ZNF521: variants seen among roughly 807,000 people sequenced by gnomAD.
The protein encoded by ZNF521 is zinc finger protein 521, also known as LYST-interacting protein 3.
ZNF521 carries 14 observed loss-of-function variants against 105.5 expected under a neutral mutation model. That is an observed-to-expected ratio of 0.13 (90% CI 0.09 to 0.21). The LOEUF (loss-of-function observed/expected upper bound fraction) is 0.21. Among genes scored for constraint, ZNF521 ranks in the 10% least tolerant of loss-of-function variants. The pLI is 1.00. For missense variants in ZNF521, 1,233 were observed against 1,629.7 expected (o/e 0.76, Z 4.19); for synonymous variants, 635 against 606.0 (o/e 1.05, Z -0.70).
chr18:25,137,026 C>T (rs12953563), intron 5 of ZNF521, among the ~76,000 whole-genome samples: 52,389 of 151,908 alleles, frequency 0.34, 10,166 homozygotes, highest in South Asian at 0.5. Context: ...CCTTGTAACC[C>T]CCAGGATGAG....
chr18:25,201,832 C>T (rs777490436), intron 4 of ZNF521: 1 of 152,084 alleles, frequency 6.6e-6, no homozygotes. Context: ...CATTAAATGA[C>T]CCTGAGTTTC....
intron 5 of ZNF521, among the ~76,000 whole-genome samples, chr18:25,170,815 T>C (rs1462853589): frequency 6.6e-6 from 1 of 152,158 alleles, no homozygotes; most frequent in Non-Finnish European, 1.5e-5. Context: ...TTTCAAGGAA[T>C]TAATTTTTCA....
At chr18:25,184,705 GT>G (rs2035691188) in intron 5 of ZNF521, among the ~76,000 whole-genome samples, 1 of 152,176 alleles carries the variant, frequency 6.6e-6, no homozygotes, top group African/African-American at 2.4e-5. Flanking sequence ...TATTGAAGGT[GT>G]GTCAGTTTTA....
intron 7 of ZNF521, among the ~76,000 whole-genome samples, chr18:25,077,953 T>C (rs759908673): frequency 2.6e-5 from 4 of 152,064 alleles, no homozygotes; most frequent in Non-Finnish European, 5.9e-5. Flanking sequence ...AAAAAAAACA[T>C]TTACTCTGCT....
intron 5 of ZNF521, among the ~76,000 whole-genome samples, chr18:25,145,612 C>T (rs753294675): frequency 7.2e-5 from 11 of 152,248 alleles, no homozygotes; most frequent in South Asian, 4.1e-4. Flanking sequence ...ACGAATGACC[C>T]GAGTGACAAA....
chr18:25,246,837 T>C (rs896510387), intron 3 of ZNF521, among the ~76,000 whole-genome samples: 3 of 152,340 alleles, frequency 2.0e-5, no homozygotes, highest in South Asian at 2.1e-4. Context: ...TAGTCTTTAC[T>C]TGGGCTGTGG....
intron 5 of ZNF521, among the ~76,000 whole-genome samples, chr18:25,116,631 G>C (rs1454904876): frequency 6.6e-6 from 1 of 151,906 alleles, no homozygotes; most frequent in Non-Finnish European, 1.5e-5. Context: ...TCATCAACCT[G>C]AAGGCATTAG....
At chr18:25,212,365 C>T (rs1326813361) in intron 4 of ZNF521, among the ~76,000 whole-genome samples, 1 of 150,490 alleles carries the variant, frequency 6.6e-6, no homozygotes, top group Non-Finnish European at 1.5e-5. Flanking sequence ...CAAAAATCAG[C>T]TGGGCATGGT....
intron 4 of ZNF521, among the ~76,000 whole-genome samples, chr18:25,208,220 A>G (rs1366901780): frequency 6.6e-6 from 1 of 152,188 alleles, no homozygotes; most frequent in East Asian, 1.9e-4. Context: ...TTTGCTTTTT[A>G]TAGGTTTAAT....
At chr18:25,138,938 A>G (rs774495738) in intron 5 of ZNF521, among the ~76,000 whole-genome samples, 7 of 152,126 alleles carry the variant, frequency 4.6e-5, no homozygotes, top group Non-Finnish European at 1.0e-4. Context: ...AAGTAAGGAC[A>G]TTGTACAAGA....
chr18:25,271,432 G>A (rs895941532), intron 3 of ZNF521, among the ~76,000 whole-genome samples: 3 of 152,066 alleles, frequency 2.0e-5, no homozygotes, highest in Non-Finnish European at 4.4e-5. Context: ...AATTTCATAT[G>A]GAACCAAAAA....
At chr18:25,151,603 G>A (rs4239441) in intron 5 of ZNF521, among the ~76,000 whole-genome samples, 37,488 of 151,910 alleles carry the variant, frequency 0.25, 5,673 homozygotes, top group Non-Finnish European at 0.33. Flanking sequence ...TAGTCTGGAC[G>A]AGACTTTTAT....
chr18:25,110,756 A>G (rs1346565990), intron 5 of ZNF521, among the ~76,000 whole-genome samples: 1 of 151,884 alleles, frequency 6.6e-6, no homozygotes, highest in African/African-American at 2.4e-5. Flanking sequence ...CTAAAAAATA[A>G]CATTTCCCCC....
intron 4 of ZNF521, among the ~76,000 whole-genome samples, chr18:25,205,141 TAAAAAAAA>T (rs34563599): frequency 0.27 from 20,543 of 75,458 alleles, 2,012 homozygotes; most frequent in South Asian, 0.42. Context: ...GTAGTGAAGG[TAAAAAAAA>T]AAAAAAAAAA....
In ZNF521 at chr18:25,352,112, C is replaced by T. The variant is rs1481124933; in HGVS notation, c.-109G>A. The T allele has an allele frequency of 2.1e-6, 1 of 477,802 alleles. No individual in the cohort carries two copies. The allele number at this position is 477,802 out of a possible 1,614,324, so 29.6% of individuals were successfully genotyped here. On this transcript the variant is annotated 5_prime_UTR_variant, in exon 1 of 8. Coordinates refer to ENST00000361524, the MANE Select transcript of ZNF521 (RefSeq NM_015461.3). Reference sequence around the variant, plus strand: ...ATGGCTCCAGAGGGGGCCCCTAACCCGCAGGGACTCGCTCTGTACGTAATC... The same window carrying T: ...ATGGCTCCAGAGGGGGCCCCTAACCTGCAGGGACTCGCTCTGTACGTAATC...
rs150427614 is a variant in ZNF521, at chr18:25,072,460, T to C, written c.3907-9719A>G. 3.4e-3 allele frequency among the ~76,000 whole-genome samples: 515 copies of C among 152,270 alleles called. 4 individuals are homozygous for C. The highest frequency in any genetic ancestry group is 0.012 in the African/African-American group (487 of 41,534). ...CAAGCTGACCCCTATCTGTTGTGCATACCTGACAAGCTTGAAAATTTCCCT... is the reference window on the plus strand; with the variant it reads ...CAAGCTGACCCCTATCTGTTGTGCACACCTGACAAGCTTGAAAATTTCCCT... On this transcript the variant is annotated intron_variant, in intron 7 of 7. Transcript: ENST00000361524.
chr18:25,123,560 C>T (rs1444388710), intron 5 of ZNF521, among the ~76,000 whole-genome samples: 2 of 152,140 alleles, frequency 1.3e-5, no homozygotes, highest in Non-Finnish European at 1.5e-5. Flanking sequence ...AACTGAGTTG[C>T]AAGTCTCCTC....
chr18:25,200,058 G>C (rs144924247), intron 4 of ZNF521, among the ~76,000 whole-genome samples: 1 of 152,154 alleles, frequency 6.6e-6, no homozygotes, highest in East Asian at 1.9e-4. Flanking sequence ...AAGTGACTTG[G>C]CTAAAGTCAT....
chr18:25,208,412 T>C (rs2036120146), intron 4 of ZNF521, among the ~76,000 whole-genome samples: 1 of 152,146 alleles, frequency 6.6e-6, no homozygotes, highest in South Asian at 2.1e-4. Context: ...CTAGAAACAA[T>C]TATGGTGCTA....
Sources: allele counts gnomAD v4.1 joint callset (sites outside exome capture counted in the v4.1 genomes callset), GRCh38; gene constraint gnomAD v4.1.1; transcripts MANE v1.5; gene names NCBI Gene and HGNC (gene_info 2026-07-23, HGNC 2026-07-21).